The following NBPF11 variants were observed in gnomAD, a reference collection of about 807,000 sequenced individuals.
The protein encoded by NBPF11 is NBPF member 11, also known as NBPF family member NBPF11.
A neutral mutation model predicts 93.9 loss-of-function variants in NBPF11; 72 were observed. The observed-to-expected ratio is 0.77, with a 90% CI of 0.63 to 0.93. The LOEUF (loss-of-function observed/expected upper bound fraction) is 0.93, where lower values mean the gene tolerates loss of function less well. NBPF11 is among the 40% of genes least tolerant of loss of function. NBPF11 has a pLI of 0.00. For missense variants in NBPF11, 705 were observed against 802.2 expected, an observed-to-expected ratio of 0.88 and a Z score of 1.46; for synonymous variants, 224 against 304.9, an observed-to-expected ratio of 0.73 and a Z score of 2.76.
intron 9 of NBPF11, 125 bp from the exon 10 acceptor site, chr1:148,120,835 T>A (rs1441769124): frequency 1.6e-5 from 13 of 793,106 alleles, no homozygotes; most frequent in Non-Finnish European, 2.7e-5. Flanking sequence ...TTCCCTGGTT[T>A]CACTCTTGTC....
intron 4 of NBPF11, among the ~76,000 whole-genome samples, chr1:148,131,360 A>T (rs1460235864): frequency 6.6e-6 from 1 of 151,584 alleles, no homozygotes; most frequent in Non-Finnish European, 1.5e-5. Context: ...AGACAAGTTT[A>T]TTGGAGATCT....
chr1:148,118,365 T>C (rs1200601512), intron 11 of NBPF11, among the ~76,000 whole-genome samples: 1 of 151,690 alleles, frequency 6.6e-6, no homozygotes, highest in African/African-American at 2.4e-5. Context: ...TTTGGTTAAT[T>C]TTGTGTTATG....
At chr1:148,143,067 A>G (rs1165626619) in intron 2 of NBPF11, among the ~76,000 whole-genome samples, 14 of 148,402 alleles carry the variant, frequency 9.4e-5, no homozygotes, top group Admixed American at 2.7e-4. Context: ...CAGGTGAAAG[A>G]GGACAGCAGG....
intron 2 of NBPF11, among the ~76,000 whole-genome samples, chr1:148,140,522 G>A (rs1192147507): frequency 1.3e-5 from 2 of 149,792 alleles, no homozygotes; most frequent in African/African-American, 4.9e-5. Context: ...AAAATAATCT[G>A]ATGGAAAAAC....
chr1:148,111,085 G>T (rs1374462402), intron 15 of NBPF11, among the ~76,000 whole-genome samples: 2 of 150,654 alleles, frequency 1.3e-5, no homozygotes, highest in Admixed American at 1.3e-4. Flanking sequence ...GAGAGAATAG[G>T]CGACACCAAG....
rs1393910809 is a variant in NBPF11 at position 148,103,720 on chromosome 1, C to T, written c.*176G>A. Reference sequence around the variant, plus strand: ...GGAAGACCAGGTGGAGACTTCTCACCGTCAAAGTAAAAAACCTATTGTCCA... The same window carrying T: ...GGAAGACCAGGTGGAGACTTCTCACTGTCAAAGTAAAAAACCTATTGTCCA... On this transcript the variant is annotated 3_prime_UTR_variant, in exon 24 of 24. Transcript: ENST00000682118. The T allele has an allele frequency of 1.6e-5, 25 of 1,611,356 alleles. No homozygotes were observed. The highest frequency in any genetic ancestry group is 5.3e-5 in the African/African-American group (4 of 74,836).
chr1:148,117,871 T>A, intron 11 of NBPF11, 85 bp from the exon 12 acceptor site: 1 of 606,354 alleles, frequency 1.6e-6, no homozygotes. Flanking sequence ...TCTGAGACAA[T>A]GTCCTCAAGG....
intron 1 of NBPF11, among the ~76,000 whole-genome samples, chr1:148,150,563 AAAACAAAAAG>A (rs1434450423): frequency 2.6e-5 from 4 of 151,980 alleles, no homozygotes; most frequent in Admixed American, 2.6e-4. Context: ...ATTAAATTTA[AAAACAAAAAG>A]AAAGCTATTA....
intron 7 of NBPF11, 97 bp from the exon 8 acceptor site, chr1:148,122,898 T>G: frequency 6.2e-7 from 1 of 1,601,094 alleles, no homozygotes; most frequent in Non-Finnish European, 8.5e-7. Flanking sequence ...CTATGTATGG[T>G]TCAGCATTGT....
At chr1:148,146,751 C>T (rs1392261372) in intron 1 of NBPF11, 3 of 1,612,894 alleles carry the variant, frequency 1.9e-6, no homozygotes, top group East Asian at 2.2e-5. Flanking sequence ...TCTCGCACGG[C>T]AATGCCGTGG....
intron 1 of NBPF11, among the ~76,000 whole-genome samples, chr1:148,149,767 C>T (rs1395246159): frequency 7.0e-6 from 1 of 143,162 alleles, no homozygotes; most frequent in Non-Finnish European, 1.5e-5. Flanking sequence ...TACGTGAAAA[C>T]GGAAATTAAA....
intron 10 of NBPF11, among the ~76,000 whole-genome samples, chr1:148,120,143 T>C (rs1487126326): frequency 1.1e-3 from 159 of 150,920 alleles, no homozygotes; most frequent in African/African-American, 3.6e-3. Context: ...TAGTCTCAGA[T>C]ATTTAGAACA....
At chr1:148,151,409 T>C (rs1449365669) in intron 1 of NBPF11, among the ~76,000 whole-genome samples, 2 of 151,986 alleles carry the variant, frequency 1.3e-5, no homozygotes, top group Non-Finnish European at 2.9e-5. Context: ...AAGAACGGCC[T>C]CGAGGGTGGG....
At chr1:148,138,837 T>A (rs1414079050) in intron 2 of NBPF11, among the ~76,000 whole-genome samples, 1 of 151,958 alleles carries the variant, frequency 6.6e-6, no homozygotes, top group South Asian at 2.1e-4. Context: ...ATATCTGTAA[T>A]CCTAGCACTT....
At position 148,149,662 on chromosome 1, in the gene NBPF11, G is replaced by C. The variant is rs1647785480; in HGVS notation, c.-549+2088C>G. On this transcript the variant is annotated intron_variant, in intron 1 of 23. Coordinates refer to ENST00000682118, the MANE Select transcript of NBPF11 (RefSeq NM_001385469.3). The stretch of plus-strand genomic sequence containing the variant: ...CAGGGGCTGCATGTGGACCCCCCCG[G>C]GCGGCCCAGGGGACCCCGCCCCGAC... 3 of 1,130,956 alleles carry C rather than the reference G, an allele frequency of 2.7e-6. No individual in the cohort carries two copies. The African/African-American group carries it at 4.9e-5, about 19-fold the overall frequency. The allele number at this position is 1,130,956 out of a possible 1,614,324, so 70.1% of individuals were successfully genotyped here.
chr1:148,118,470 GT>G, intron 11 of NBPF11, 149 bp downstream of exon 11: 1 of 708,936 alleles, frequency 1.4e-6, no homozygotes, highest in East Asian at 2.5e-5. Context: ...CTTCTTCTCT[GT>G]TTGATAAATA....
intron 5 of NBPF11, among the ~76,000 whole-genome samples, chr1:148,125,371 A>C (rs1668870713): frequency 1.3e-5 from 2 of 151,970 alleles, no homozygotes; most frequent in Admixed American, 1.3e-4. Context: ...GATTTCTTGT[A>C]CAGTCAGGAA....
intron 13 of NBPF11, among the ~76,000 whole-genome samples, 188 bp downstream of exon 13, chr1:148,116,275 A>C (rs1259691556): frequency 6.6e-6 from 1 of 152,044 alleles, no homozygotes; most frequent in Non-Finnish European, 1.5e-5. Context: ...CGGTGCAGAC[A>C]TGACACTCGG....
In NBPF11 at chr1:148,103,224, A is replaced by G; in HGVS notation, c.*672T>C. On this transcript the variant is annotated 3_prime_UTR_variant, in exon 24 of 24. Coordinates refer to ENST00000682118, the MANE Select transcript of NBPF11 (RefSeq NM_001385469.3). Reference sequence around the variant, plus strand: ...GCCAAGGATCCCTCCTGTGTTACAGATGGATCAGCTAAAACAAGCCAACAC... The same window carrying G: ...GCCAAGGATCCCTCCTGTGTTACAGGTGGATCAGCTAAAACAAGCCAACAC... 4.1e-6 allele frequency: 1 copy of G among 242,258 alleles called. No homozygotes were observed. The highest frequency in any genetic ancestry group is 8.0e-6 in the Non-Finnish European group (1 of 125,610). The allele number at this position is 242,258 out of a possible 1,614,324, so 15.0% of individuals were successfully genotyped here.
Sources: gnomAD v4.1 joint callset for allele counts (sites outside exome capture counted in the v4.1 genomes callset) on GRCh38, gnomAD v4.1.1 for gene constraint, MANE v1.5 for transcripts, NCBI Gene and HGNC (gene_info 2026-07-23, HGNC 2026-07-21) for gene names.